The following PTPRD variants were observed in gnomAD, a reference collection of about 807,000 sequenced individuals.
PTPRD encodes the protein protein tyrosine phosphatase receptor type D, also known as receptor-type tyrosine-protein phosphatase delta.
A neutral mutation model predicts 214.5 loss-of-function variants in PTPRD; 34 were observed. That is an observed-to-expected ratio of 0.16 (90% CI 0.12 to 0.21). The LOEUF is 0.21. Ranked by LOEUF, PTPRD falls within the 10% of genes least tolerant of loss-of-function variation. The pLI is 1.00. For synonymous variants in PTPRD, 1,128 were observed against 845.7 expected (o/e 1.33, Z -5.79); for missense variants, 2,545 against 2,398.7 (o/e 1.06, Z -1.27).
chr9:9,059,108 A>T (rs2099702481), intron 10 of PTPRD, among the ~76,000 whole-genome samples: 1 of 152,162 alleles, frequency 6.6e-6, no homozygotes, highest in Non-Finnish European at 1.5e-5. Context: ...GAGTCATACC[A>T]CATGAAAAAA....
intron 3 of PTPRD, among the ~76,000 whole-genome samples, chr9:10,314,346 AC>A (rs2096362543): frequency 6.6e-6 from 1 of 151,924 alleles, no homozygotes; most frequent in Admixed American, 6.6e-5. Flanking sequence ...AGGATTTGTC[AC>A]TTTTTTACAG....
intron 2 of PTPRD, among the ~76,000 whole-genome samples, chr9:10,551,647 TG>T (rs1262715098): frequency 6.6e-6 from 1 of 152,178 alleles, no homozygotes; most frequent in Non-Finnish European, 1.5e-5. Flanking sequence ...TGAAATTTCC[TG>T]GCTCTATTAT....
At chr9:8,336,483 T>TAAAAAA (rs200451219) in intron 43 of PTPRD, among the ~76,000 whole-genome samples, 6,404 of 141,084 alleles carry the variant, frequency 0.045, 145 homozygotes, top group South Asian at 0.14. Flanking sequence ...TGTAAAATGA[T>TAAAAAA]GAAAACCCCT....
chr9:10,084,575 T>G (rs1163873404), intron 3 of PTPRD, among the ~76,000 whole-genome samples: 1 of 151,984 alleles, frequency 6.6e-6, no homozygotes, highest in Non-Finnish European at 1.5e-5. Flanking sequence ...GATATTGATA[T>G]TAATTTCCTT....
At chr9:9,237,435 C>T (rs890782005) in intron 9 of PTPRD, among the ~76,000 whole-genome samples, 2 of 151,990 alleles carry the variant, frequency 1.3e-5, no homozygotes, top group African/African-American at 4.8e-5. Context: ...ATCTTTACAA[C>T]AACACCACCA....
chr9:9,892,905 G>C, intron 5 of PTPRD, among the ~76,000 whole-genome samples: 1 of 152,048 alleles, frequency 6.6e-6, no homozygotes, highest in East Asian at 1.9e-4. Context: ...AAAGGTTTCA[G>C]TCTGAAAAAA....
At chr9:10,376,937 G>A (rs2097740826) in intron 2 of PTPRD, among the ~76,000 whole-genome samples, 1 of 151,856 alleles carries the variant, frequency 6.6e-6, no homozygotes, top group African/African-American at 2.4e-5. Context: ...ACTTTTAAAT[G>A]TACAATTAAA....
At chr9:9,902,219 C>G (rs2076567428) in intron 5 of PTPRD, among the ~76,000 whole-genome samples, 1 of 151,168 alleles carries the variant, frequency 6.6e-6, no homozygotes, top group African/African-American at 2.4e-5. Flanking sequence ...GCATGAATGT[C>G]TGTGCTCTCT....
At chr9:9,090,783 G>T in intron 10 of PTPRD, 1 of 666,058 alleles carries the variant, frequency 1.5e-6, no homozygotes, top group Non-Finnish European at 2.7e-6. Flanking sequence ...CTTTAGCTGA[G>T]TTGCTGCATT....
At chr9:8,674,429 G>C (rs1017616181) in intron 12 of PTPRD, among the ~76,000 whole-genome samples, 1 of 119,884 alleles carries the variant, frequency 8.3e-6, no homozygotes. Context: ...CTGCACTCCA[G>C]CCTGGTGGCA....
At chr9:8,539,101 A>G (rs1220937857) in intron 14 of PTPRD, among the ~76,000 whole-genome samples, 1 of 152,056 alleles carries the variant, frequency 6.6e-6, no homozygotes, top group Admixed American at 6.6e-5. Context: ...CTTGAACACG[A>G]AAATTAAAAA....
At position 10,184,415 on chromosome 9, in the gene PTPRD, G is replaced by C. The variant is rs1271346016; in HGVS notation, c.-544-150625C>G. ...ACTCCAGCCTGGAAAACAGAGCGAG[G>C]CTCCATTAAAAAATATAAATAAATA... On this transcript the variant is annotated intron_variant, in intron 3 of 45. Coordinates refer to ENST00000381196, the MANE Select transcript of PTPRD (RefSeq NM_002839.4). 2.0e-5 allele frequency among the ~76,000 whole-genome samples: 3 copies of C among 151,808 alleles called. No individual in the cohort carries two copies. The East Asian group carries it at 5.8e-4, about 29-fold the overall frequency.
chr9:9,657,712 A>T (rs908577728), intron 7 of PTPRD, among the ~76,000 whole-genome samples: 2 of 152,204 alleles, frequency 1.3e-5, no homozygotes, highest in Non-Finnish European at 2.9e-5. Context: ...AAAGAATACA[A>T]GATTGAAGAA....
chr9:10,245,492 TG>T (rs2091929920), intron 3 of PTPRD, among the ~76,000 whole-genome samples: 1 of 152,220 alleles, frequency 6.6e-6, no homozygotes, highest in African/African-American at 2.4e-5. Flanking sequence ...TGGCCTACTA[TG>T]TACAAAATGT....
chr9:8,899,699 C>T (rs1036351572), intron 11 of PTPRD, among the ~76,000 whole-genome samples: 1 of 152,178 alleles, frequency 6.6e-6, no homozygotes, highest in Non-Finnish European at 1.5e-5. Context: ...GTGAACGTTT[C>T]TCCTTTCACT....
At chr9:9,841,010 G>T (rs932131081) in intron 5 of PTPRD, among the ~76,000 whole-genome samples, 12 of 152,142 alleles carry the variant, frequency 7.9e-5, no homozygotes, top group African/African-American at 2.9e-4. Flanking sequence ...CCATGCTTTA[G>T]CAGGAAGTTG....
chr9:9,352,327 A>ATATATGTG lies in PTPRD; in HGVS notation c.-203+45121_-203+45122insCACATATA, dbSNP rs1555280411. On this transcript the variant is annotated intron_variant, in intron 9 of 45. Transcript: ENST00000381196. ...CAAAAAACCATATATATATATATAT[A>ATATATGTG]TGTGTGTGTGTGTGTGTGTGTGTGT... Among the ~76,000 whole-genome samples the ATATATGTG allele has an allele frequency of 2.8e-3, 194 of 68,430 alleles. 1 individual carries two copies. The highest frequency in any genetic ancestry group is 8.1e-3 in the African/African-American group (185 of 22,816). The allele number at this position is 68,430 out of a possible 152,430, so 44.9% of individuals were successfully genotyped here.
rs1820872506 is a variant in PTPRD at position 8,314,507 on chromosome 9, T to A, written c.*3367A>T. The A allele has an allele frequency of 4.3e-6, 1 of 231,942 alleles. No individual in the cohort carries two copies. The highest frequency in any genetic ancestry group is 8.5e-6 in the Non-Finnish European group (1 of 117,022). The allele number at this position is 231,942 out of a possible 1,614,324, so 14.4% of individuals were successfully genotyped here. On this transcript the variant is annotated 3_prime_UTR_variant, in exon 46 of 46. Transcript: ENST00000381196. ...CGAGAGCAAAGAACACAACTGTTAT[T>A]ATCTTTGTAAAGACACTCCAAGCTG...
chr9:9,830,046 T>G (rs1224744751), intron 5 of PTPRD, among the ~76,000 whole-genome samples: 1 of 151,680 alleles, frequency 6.6e-6, no homozygotes, highest in Non-Finnish European at 1.5e-5. Context: ...CTCAGCAAGT[T>G]TTCCTAAACA....
Sources: gnomAD v4.1 joint callset for allele counts (sites outside exome capture counted in the v4.1 genomes callset) on GRCh38, gnomAD v4.1.1 for gene constraint, MANE v1.5 for transcripts, NCBI Gene and HGNC (gene_info 2026-07-23, HGNC 2026-07-21) for gene names.